Variants in SCHIP1 observed in about 807,000 individuals in gnomAD.
SCHIP1 encodes schwannomin interacting protein 1.
Under a neutral mutation model 29.7 loss-of-function variants are expected in SCHIP1, and 8 were observed. The observed-to-expected ratio is 0.27, with a 90% CI of 0.16 to 0.49. The LOEUF (loss-of-function observed/expected upper bound fraction) is 0.49. Ranked by LOEUF, SCHIP1 falls within the 20% of genes least tolerant of loss-of-function variation. The probability of loss-of-function intolerance (pLI) is 0.99; values close to 1 mark genes in which losing one functional copy is unlikely to be tolerated. For missense variants in SCHIP1, 193 were observed against 294.6 expected (o/e 0.66, Z 2.52); for synonymous variants, 76 against 94.9 (o/e 0.80, Z 1.16).
At chr3:159,722,879 T>C in the SCHIP1 span, among the ~76,000 whole-genome samples, 1 of 152,196 alleles carries the variant, frequency 6.6e-6, no homozygotes, top group African/African-American at 2.4e-5. Flanking sequence ...TGTCTTCATA[T>C]AGAAATCATA....
At chr3:159,570,820 T>C in the SCHIP1 span, among the ~76,000 whole-genome samples, 1 of 152,222 alleles carries the variant, frequency 6.6e-6, no homozygotes, top group African/African-American at 2.4e-5. Flanking sequence ...TTTTATTTAG[T>C]TGAGCAGTGG....
At chr3:159,791,029 C>T in the SCHIP1 span, among the ~76,000 whole-genome samples, 1 of 152,138 alleles carries the variant, frequency 6.6e-6, no homozygotes, top group South Asian at 2.1e-4. Context: ...TGAGTCTGGG[C>T]GGACCCCTCA....
chr3:159,855,305 T>G (rs959095658), intron 1 of SCHIP1, among the ~76,000 whole-genome samples: 11 of 152,210 alleles, frequency 7.2e-5, no homozygotes, highest in African/African-American at 2.2e-4. Context: ...TATGAGCTAG[T>G]GAAACAGGGC....
At chr3:159,455,741 G>A in the SCHIP1 span, among the ~76,000 whole-genome samples, 4 of 152,226 alleles carry the variant, frequency 2.6e-5, no homozygotes, top group Non-Finnish European at 5.9e-5. Flanking sequence ...GATGCCTCAA[G>A]TAAAAGAAAT....
chr3:159,769,690 C>T, the SCHIP1 span, among the ~76,000 whole-genome samples: 1 of 152,170 alleles, frequency 6.6e-6, no homozygotes, highest in Admixed American at 6.5e-5. Flanking sequence ...GCGGAGGTTG[C>T]AGTGAGCCAA....
the SCHIP1 span, among the ~76,000 whole-genome samples, chr3:159,436,693 G>A: frequency 1.3e-5 from 2 of 152,134 alleles, no homozygotes; most frequent in Non-Finnish European, 2.9e-5. Context: ...TTACTTGAAA[G>A]GTATCTGCAA....
At chr3:159,688,261 A>G in the SCHIP1 span, among the ~76,000 whole-genome samples, 2 of 152,110 alleles carry the variant, frequency 1.3e-5, no homozygotes, top group Admixed American at 6.5e-5. Context: ...CTCCAGCATC[A>G]GTTGTTTCCT....
At chr3:159,317,905 A>G in the SCHIP1 span, among the ~76,000 whole-genome samples, 1 of 152,284 alleles carries the variant, frequency 6.6e-6, no homozygotes, top group South Asian at 2.1e-4. Context: ...TCCATGATGG[A>G]AGAATTCCAA....
the SCHIP1 span, among the ~76,000 whole-genome samples, chr3:159,751,941 C>G: frequency 6.6e-6 from 1 of 152,166 alleles, no homozygotes; most frequent in African/African-American, 2.4e-5. Context: ...GTACATACTT[C>G]ATGCGTGGTT....
At chr3:159,303,361 G>A in the SCHIP1 span, among the ~76,000 whole-genome samples, 1 of 151,958 alleles carries the variant, frequency 6.6e-6, no homozygotes, top group Non-Finnish European at 1.5e-5. Context: ...TTTTTCCAGA[G>A]GCAGAAAGGA....
chr3:159,531,221 C>G, the SCHIP1 span, among the ~76,000 whole-genome samples: 1 of 152,296 alleles, frequency 6.6e-6, no homozygotes, highest in South Asian at 2.1e-4. Context: ...ATACAGTGTG[C>G]AGACATACTA....
the SCHIP1 span, among the ~76,000 whole-genome samples, chr3:159,503,598 C>A: frequency 6.6e-6 from 1 of 152,182 alleles, no homozygotes; most frequent in Non-Finnish European, 1.5e-5. Flanking sequence ...CAGGCCACAC[C>A]TTTCATATGC....
the SCHIP1 span, among the ~76,000 whole-genome samples, chr3:159,611,951 T>A: frequency 6.6e-6 from 1 of 152,170 alleles, no homozygotes; most frequent in African/African-American, 2.4e-5. Flanking sequence ...AAATTCCATA[T>A]AATTTTTCTC....
At chr3:159,710,316 C>T in the SCHIP1 span, among the ~76,000 whole-genome samples, 81 of 152,208 alleles carry the variant, frequency 5.3e-4, 1 homozygote, top group East Asian at 0.015. Context: ...AGGGAACATT[C>T]TGCTAAGTGA....
the SCHIP1 span, among the ~76,000 whole-genome samples, chr3:159,789,990 A>G: frequency 1.3e-5 from 2 of 152,204 alleles, no homozygotes; most frequent in Non-Finnish European, 2.9e-5. Flanking sequence ...GATCCAAAAC[A>G]GGTGATTTAA....
At chr3:159,341,667 A>T in the SCHIP1 span, among the ~76,000 whole-genome samples, 1 of 152,138 alleles carries the variant, frequency 6.6e-6, no homozygotes, top group African/African-American at 2.4e-5. Flanking sequence ...TCGTTTACCT[A>T]GACATCTTTA....
upstream of SCHIP1, among the ~76,000 whole-genome samples, chr3:159,835,566 G>A (rs1743579893): frequency 1.3e-5 from 2 of 152,096 alleles, no homozygotes; most frequent in South Asian, 2.1e-4. Flanking sequence ...ATCAGTAAGT[G>A]CCCTAAATAC....
At chr3:159,431,717 C>T in the SCHIP1 span, among the ~76,000 whole-genome samples, 10 of 150,278 alleles carry the variant, frequency 6.7e-5, no homozygotes, top group African/African-American at 2.5e-4. Context: ...GCTGAGACAA[C>T]AGAATCACTT....
chr3:159,333,781 GA>G, the SCHIP1 span, among the ~76,000 whole-genome samples: 2 of 151,624 alleles, frequency 1.3e-5, no homozygotes, highest in African/African-American at 4.8e-5. Context: ...TCTGTCGGTG[GA>G]AAAAAAATAT....
Sources: allele counts gnomAD v4.1 joint callset (sites outside exome capture counted in the v4.1 genomes callset), GRCh38; gene constraint gnomAD v4.1.1; transcripts MANE v1.5; gene names NCBI Gene and HGNC (gene_info 2026-07-23, HGNC 2026-07-21).